EMC2: variants seen among roughly 807,000 people sequenced by gnomAD.
The protein encoded by EMC2 is TPR repeat protein 35.
EMC2 carries 37 observed loss-of-function variants against 51.6 expected under a neutral mutation model. The ratio of observed to expected loss-of-function variants is 0.72; its 90% confidence interval spans 0.55 to 0.94. The LOEUF (loss-of-function observed/expected upper bound fraction) is 0.94, where lower values mean the gene tolerates loss of function less well. Among genes scored for constraint, EMC2 ranks in the 40% least tolerant of loss-of-function variants. The pLI is 0.00. For synonymous variants in EMC2, 131 were observed against 112.4 expected (o/e 1.17, Z -1.04); for missense variants, 359 against 350.9 (o/e 1.02, Z -0.18).
At chr8:108,448,571 C>T (rs759951357) in intron 1 of EMC2, among the ~76,000 whole-genome samples, 18 of 152,150 alleles carry the variant, frequency 1.2e-4, no homozygotes, top group Non-Finnish European at 2.2e-4. Context: ...TGCCTGCTGC[C>T]ATCCACGTAG....
At chr8:108,457,050 G>T (rs947219387) in intron 5 of EMC2, among the ~76,000 whole-genome samples, 1 of 152,212 alleles carries the variant, frequency 6.6e-6, no homozygotes, top group Admixed American at 6.5e-5. Context: ...ATTTTAAGAT[G>T]TAAAATGCTT....
At chr8:108,468,894 A>G (rs1810794068) in intron 5 of EMC2, among the ~76,000 whole-genome samples, 1 of 152,250 alleles carries the variant, frequency 6.6e-6, no homozygotes, top group Non-Finnish European at 1.5e-5. Context: ...GCCTTTGCTC[A>G]TGTGTTCTTC....
chr8:108,464,596 A>G (rs1157584286), intron 5 of EMC2, among the ~76,000 whole-genome samples: 2 of 152,210 alleles, frequency 1.3e-5, no homozygotes, highest in African/African-American at 4.8e-5. Flanking sequence ...GGTACGGAGG[A>G]CCAGGTGCAG....
intron 5 of EMC2, among the ~76,000 whole-genome samples, chr8:108,466,894 G>T (rs1477425724): frequency 1.3e-5 from 2 of 152,060 alleles, no homozygotes; most frequent in Admixed American, 6.6e-5. Context: ...GAGATAAGCT[G>T]CTGGACTCTT....
In EMC2 at chr8:108,476,372, T is replaced by TA. The variant is rs561684089; in HGVS notation, c.592-408dup. ...AGAATAGCAGTACAACTGAATGCTA[T>TA]AAGGCTAGAAGGACTTCATTATTAA... On this transcript the variant is annotated intron_variant, in intron 8 of 10. Transcript: ENST00000220853. Among the ~76,000 whole-genome samples the TA allele has an allele frequency of 3.9e-3, 586 of 152,016 alleles. 4 individuals are homozygous for TA. The highest frequency in any genetic ancestry group is 6.8e-3 in the Middle Eastern group (2 of 294).
chr8:108,469,938 T>G (rs1810819517), intron 6 of EMC2, 27 bp downstream of exon 6: 2 of 1,574,360 alleles, frequency 1.3e-6, no homozygotes, highest in Non-Finnish European at 8.7e-7. Flanking sequence ...AGGATTGTGT[T>G]TTGTTATTCT....
chr8:108,451,715 T>C (rs1041768113), intron 3 of EMC2, among the ~76,000 whole-genome samples: 18 of 152,190 alleles, frequency 1.2e-4, no homozygotes, highest in Admixed American at 2.0e-4. Flanking sequence ...TTATTTTTTT[T>C]GAAATAGCCA....
At chr8:108,463,518 T>G (rs561530266) in intron 5 of EMC2, among the ~76,000 whole-genome samples, 1 of 152,336 alleles carries the variant, frequency 6.6e-6, no homozygotes, top group Admixed American at 6.5e-5. Flanking sequence ...GAATACTTGT[T>G]GAAGGAATGC....
At chr8:108,466,934 G>T (rs1810731657) in intron 5 of EMC2, among the ~76,000 whole-genome samples, 1 of 152,118 alleles carries the variant, frequency 6.6e-6, no homozygotes, top group African/African-American at 2.4e-5. Context: ...TATGAATAAG[G>T]AGTTGGACAG....
intron 5 of EMC2, among the ~76,000 whole-genome samples, chr8:108,457,432 A>C (rs1326476538): frequency 6.6e-6 from 1 of 151,858 alleles, no homozygotes; most frequent in Non-Finnish European, 1.5e-5. Context: ...TGCTACTGAT[A>C]AAGACATACC....
At chr8:108,484,845 T>C (rs543239028) in intron 10 of EMC2, among the ~76,000 whole-genome samples, 1 of 152,154 alleles carries the variant, frequency 6.6e-6, no homozygotes, top group African/African-American at 2.4e-5. Flanking sequence ...CTCACAGCCT[T>C]TAGTCCTCAG....
At chr8:108,459,254 G>A (rs1819246733) in intron 5 of EMC2, among the ~76,000 whole-genome samples, 2 of 152,244 alleles carry the variant, frequency 1.3e-5, no homozygotes, top group African/African-American at 4.8e-5. Flanking sequence ...AACTGTTTCA[G>A]TCTCTGCCAG....
At chr8:108,463,711 T>A (rs1292367200) in intron 5 of EMC2, among the ~76,000 whole-genome samples, 1 of 150,852 alleles carries the variant, frequency 6.6e-6, no homozygotes. Flanking sequence ...GAGGGGAGGG[T>A]GGGGGTCGAT....
At chr8:108,446,986 G>A (rs533385957) in intron 1 of EMC2, among the ~76,000 whole-genome samples, 1 of 152,202 alleles carries the variant, frequency 6.6e-6, no homozygotes, top group South Asian at 2.1e-4. Context: ...GTGACTGTGT[G>A]TCAGACTGCC....
chr8:108,462,234 C>T (rs1235599544), intron 5 of EMC2, among the ~76,000 whole-genome samples: 1 of 28,788 alleles, frequency 3.5e-5, no homozygotes, highest in East Asian at 6.7e-4. Flanking sequence ...TGTGTGTATT[C>T]CTCTGACAGG....
Position 108,487,687 on chromosome 8 carries a change from C to T in EMC2, c.*1089C>T, listed in dbSNP as rs999159967. 3.3e-5 allele frequency among the ~76,000 whole-genome samples: 5 copies of T among 151,976 alleles called. No homozygotes were observed. Among genetic ancestry groups the T allele is most frequent in the Admixed American group, 6.6e-5 (1 of 15,252 alleles). On this transcript the variant is annotated 3_prime_UTR_variant, in exon 11 of 11. Coordinates refer to ENST00000220853, the MANE Select transcript of EMC2 (RefSeq NM_014673.5). ...AGAGGCATCTACAGACTTGTCATTGCTGCTTTGGACAAGTGGGGATTGTGG... is the reference window on the plus strand; with the variant it reads ...AGAGGCATCTACAGACTTGTCATTGTTGCTTTGGACAAGTGGGGATTGTGG...
intron 5 of EMC2, among the ~76,000 whole-genome samples, chr8:108,467,507 CTCAGCTAATTTTT>C (rs77442195): frequency 0.52 from 78,088 of 151,502 alleles, 20,477 homozygotes; most frequent in South Asian, 0.6. Context: ...CACCACCACG[CTCAGCTAATTTTT>C]TTGTTTGATT....
In EMC2 at chr8:108,488,914, C is replaced by T. The variant is rs145678327; in HGVS notation, c.*2316C>T. On this transcript the variant is annotated 3_prime_UTR_variant, in exon 11 of 11. Transcript: ENST00000220853. ...ATGAACAGAACCCTACTGAGAAGGG[C>T]TTTCCTTTCAAATTAAAAAATCAGA... Among the ~76,000 whole-genome samples, 43 of 152,288 alleles carry T rather than the reference C, an allele frequency of 2.8e-4. No individual in the cohort carries two copies. In the East Asian group the frequency reaches 4.8e-3, roughly 17 times the overall value.
chr8:108,482,380 G>C (rs1326009031), intron 10 of EMC2, among the ~76,000 whole-genome samples: 1 of 151,508 alleles, frequency 6.6e-6, no homozygotes, highest in Non-Finnish European at 1.5e-5. Flanking sequence ...TTACTTTTTT[G>C]CTCATATGAT....
Sources: gnomAD v4.1 joint callset for allele counts (sites outside exome capture counted in the v4.1 genomes callset) on GRCh38, gnomAD v4.1.1 for gene constraint, MANE v1.5 for transcripts, NCBI Gene and HGNC (gene_info 2026-07-23, HGNC 2026-07-21) for gene names.